TPPP: variants seen among roughly 807,000 people sequenced by gnomAD.
TPPP encodes the protein tubulin polymerization promoting protein, also known as tubulin polymerization-promoting protein.
TPPP carries 6 observed loss-of-function variants against 15.5 expected under a neutral mutation model. The observed-to-expected ratio is 0.39, with a 90% CI of 0.21 to 0.77. The LOEUF is 0.77. Among genes scored for constraint, TPPP ranks in the 30% least tolerant of loss-of-function variants. The pLI is 0.42. For missense variants in TPPP, 269 were observed against 307.2 expected, an observed-to-expected ratio of 0.88 and a Z score of 0.93; for synonymous variants, 146 against 133.9, an observed-to-expected ratio of 1.09 and a Z score of -0.63.
intron 1 of TPPP, among the ~76,000 whole-genome samples, chr5:684,836 A>C (rs768202820): frequency 6.6e-6 from 1 of 152,290 alleles, no homozygotes; most frequent in East Asian, 1.9e-4. Context: ...GCCGCCTGTC[A>C]GGCAGTCAGA....
intron 2 of TPPP, among the ~76,000 whole-genome samples, chr5:677,380 C>T (rs1303889590): frequency 6.6e-6 from 1 of 152,214 alleles, no homozygotes; most frequent in Non-Finnish European, 1.5e-5. Context: ...CTGGGGAAGC[C>T]CAGTGATCCC....
At chr5:672,957 C>G (rs1050339176) in intron 2 of TPPP, among the ~76,000 whole-genome samples, 10 of 152,228 alleles carry the variant, frequency 6.6e-5, no homozygotes, top group Non-Finnish European at 1.0e-4. Context: ...GCAGATACCC[C>G]GAGCTGGCGC....
intron 2 of TPPP, among the ~76,000 whole-genome samples, chr5:668,280 C>A (rs60443587): frequency 2.0e-5 from 1 of 49,258 alleles, no homozygotes; most frequent in Admixed American, 2.1e-4. Flanking sequence ...GAGGGGTCCG[C>A]GTGGGCGCCG....
At chr5:669,090 T>G (rs557530443) in intron 2 of TPPP, among the ~76,000 whole-genome samples, 1 of 152,250 alleles carries the variant, frequency 6.6e-6, no homozygotes, top group African/African-American at 2.4e-5. Context: ...GTCCCACAGC[T>G]CAGACCCTCA....
At chr5:665,409 G>T in intron 3 of TPPP, 113 bp from the exon 4 acceptor site, 1 of 958,310 alleles carries the variant, frequency 1.0e-6, no homozygotes, top group Non-Finnish European at 1.5e-6. Flanking sequence ...TGGGCAAGGG[G>T]CATAAACCCT....
In TPPP at chr5:665,308, G is replaced by C; in HGVS notation, c.466-12C>G. ...GACGAGATGGCTTTCTGCAAGAGGA[G>C]CAGGAGGAAGGGGGCAGGTGAGTTG... On this transcript the variant is annotated splice_polypyrimidine_tract_variant and intron_variant, in intron 3 of 3. Coordinates refer to ENST00000360578, the MANE Select transcript of TPPP (RefSeq NM_007030.3). The C allele has an allele frequency of 6.2e-7, 1 of 1,608,572 alleles. No homozygotes were observed. The highest frequency in any genetic ancestry group is 8.5e-7 in the Non-Finnish European group (1 of 1,177,946).
intron 2 of TPPP, among the ~76,000 whole-genome samples, chr5:670,299 C>T (rs1740171318): frequency 5.3e-5 from 8 of 152,244 alleles, no homozygotes; most frequent in Admixed American, 4.6e-4. Context: ...CGGGGGCCGG[C>T]GGGCGAGGTG....
intron 2 of TPPP, among the ~76,000 whole-genome samples, chr5:674,497 G>A (rs974218914): frequency 6.6e-6 from 1 of 152,112 alleles, no homozygotes; most frequent in Non-Finnish European, 1.5e-5. Flanking sequence ...CGGTCCGAGT[G>A]CCCGGGACAC....
At chr5:698,794 CTT>C in the TPPP span, among the ~76,000 whole-genome samples, 8 of 152,048 alleles carry the variant, frequency 5.3e-5, 1 homozygote, top group Non-Finnish European at 1.0e-4. Flanking sequence ...CCAAAAAACT[CTT>C]AGATTTGATA....
In TPPP at chr5:664,900, C is replaced by T; in HGVS notation, c.*202G>A. 4.9e-6 allele frequency: 3 copies of T among 609,688 alleles called. No individual in the cohort carries two copies. The highest frequency in any genetic ancestry group is 4.1e-5 in the South Asian group (2 of 49,156). The allele number at this position is 609,688 out of a possible 1,614,324, so 37.8% of individuals were successfully genotyped here. A position where few individuals can be genotyped will look rare whatever the true frequency, so the allele number is the denominator to read the frequency against. ...TTAGGAGGGTCAGCGAACTGGGGCC[C>T]AAACCTGGTTTGAGAGGGGAGTGCT... On this transcript the variant is annotated 3_prime_UTR_variant, in exon 4 of 4. Coordinates refer to ENST00000360578, the MANE Select transcript of TPPP (RefSeq NM_007030.3).
chr5:694,029 G>A (rs1408140963), upstream of TPPP, among the ~76,000 whole-genome samples: 4 of 56,386 alleles, frequency 7.1e-5, no homozygotes, highest in Non-Finnish European at 1.7e-4. Flanking sequence ...CAGGAGTGGA[G>A]GAGCGGAGCG....
intron 2 of TPPP, among the ~76,000 whole-genome samples, chr5:671,385 A>G (rs1740218615): frequency 6.6e-6 from 1 of 152,176 alleles, no homozygotes; most frequent in Non-Finnish European, 1.5e-5. Context: ...AGGGGGCCCC[A>G]GGGGCTCGGC....
chr5:698,615 A>G, the TPPP span, among the ~76,000 whole-genome samples: 104,425 of 151,086 alleles, frequency 0.69, 34,615 homozygotes, highest in Middle Eastern at 0.72. Context: ...TTATAAAACC[A>G]TCAGGTCTCA....
At chr5:681,771 C>T (rs1429002559) in intron 1 of TPPP, among the ~76,000 whole-genome samples, 1 of 151,684 alleles carries the variant, frequency 6.6e-6, no homozygotes, top group East Asian at 1.9e-4. Flanking sequence ...CTGGCATCTT[C>T]AAAAAAGGCT....
intron 1 of TPPP, among the ~76,000 whole-genome samples, chr5:685,826 C>A (rs1218511516): frequency 1.3e-5 from 2 of 152,182 alleles, no homozygotes; most frequent in African/African-American, 4.8e-5. Flanking sequence ...GAAAACCCTC[C>A]CAGGCCACAC....
At position 664,799 on chromosome 5, in the gene TPPP, T is replaced by G. The variant is rs887626998; in HGVS notation, c.*303A>C. 2.0e-5 allele frequency: 7 copies of G among 345,558 alleles called. No homozygotes were observed. The highest frequency in any genetic ancestry group is 4.5e-5 in the Admixed American group (1 of 22,118). 21.4% of individuals were successfully genotyped at this position (345,558 alleles called of 1,614,324 possible). On this transcript the variant is annotated 3_prime_UTR_variant, in exon 4 of 4. Transcript: ENST00000360578. Reference sequence around the variant, plus strand: ...AGCCAGCTGCTTTAAAACGCCCCTTTGACCTGCAAACCACGTGCCCAGTGT... The same window carrying G: ...AGCCAGCTGCTTTAAAACGCCCCTTGGACCTGCAAACCACGTGCCCAGTGT...
chr5:681,000 C>T (rs1400388803), intron 1 of TPPP, among the ~76,000 whole-genome samples: 1 of 152,176 alleles, frequency 6.6e-6, no homozygotes, highest in Non-Finnish European at 1.5e-5. Context: ...ATTAGACCCA[C>T]GTGCTGTTTC....
At chr5:678,119 G>A (rs1175909255) in intron 1 of TPPP, 55 bp from the exon 2 acceptor site, 64 of 1,445,044 alleles carry the variant, frequency 4.4e-5, no homozygotes, top group Non-Finnish European at 5.7e-5. Flanking sequence ...CAGCTGAGCC[G>A]GGTGCAGCCC....
Position 668,442 on chromosome 5 carries a change from A to T in TPPP, c.312-2319T>A, listed in dbSNP as rs1296884042. ...GGGGGCCGCGTGGGCGCCGTCAGGG[A>T]AGTGCGGACAAGCACACGGAGAGGG... On this transcript the variant is annotated intron_variant, in intron 2 of 3. Coordinates refer to ENST00000360578, the MANE Select transcript of TPPP (RefSeq NM_007030.3). Among the ~76,000 whole-genome samples the T allele has an allele frequency of 2.1e-4, 27 of 127,048 alleles. 1 individual carries two copies. The highest frequency in any genetic ancestry group is 4.2e-4 in the Non-Finnish European group (23 of 55,396). The allele number at this position is 127,048 out of a possible 152,430, so 83.3% of individuals were successfully genotyped here.
Sources: gnomAD v4.1 joint callset for allele counts (sites outside exome capture counted in the v4.1 genomes callset) on GRCh38, gnomAD v4.1.1 for gene constraint, MANE v1.5 for transcripts, NCBI Gene and HGNC (gene_info 2026-07-23, HGNC 2026-07-21) for gene names.